The following SLC25A24 variants were observed in gnomAD, a reference collection of about 807,000 sequenced individuals.
The protein encoded by SLC25A24 is solute carrier family 25 member 24.
A neutral mutation model predicts 60.7 loss-of-function variants in SLC25A24; 49 were observed. The observed-to-expected ratio is 0.81, with a 90% CI of 0.64 to 1.02. SLC25A24 has a LOEUF of 1.02. Ranked by LOEUF, SLC25A24 falls within the 50% of genes least tolerant of loss-of-function variation. SLC25A24 has a pLI of 0.00. For synonymous variants in SLC25A24, 202 were observed against 200.6 expected (o/e 1.01, Z -0.06); for missense variants, 564 against 586.3 (o/e 0.96, Z 0.39).
intron 2 of SLC25A24, 29 bp downstream of exon 2, chr1:108,185,799 C>A (rs1220224332): frequency 1.3e-6 from 2 of 1,546,606 alleles, no homozygotes; most frequent in Non-Finnish European, 8.9e-7. Context: ...TTCTTCATAG[C>A]TGGTGATAAA....
At chr1:108,173,652 G>A (rs1371840941) in intron 3 of SLC25A24, among the ~76,000 whole-genome samples, 1 of 152,186 alleles carries the variant, frequency 6.6e-6, no homozygotes, top group African/African-American at 2.4e-5. Context: ...CAGTTAGGAA[G>A]GTTCAGAAGA....
intron 5 of SLC25A24, among the ~76,000 whole-genome samples, chr1:108,155,844 C>A (rs959702427): frequency 6.6e-6 from 1 of 152,090 alleles, no homozygotes; most frequent in Non-Finnish European, 1.5e-5. Flanking sequence ...TACCTTATGA[C>A]CACCTACAGA....
intron 1 of SLC25A24, among the ~76,000 whole-genome samples, chr1:108,194,490 G>A (rs828986): frequency 0.31 from 41,752 of 135,328 alleles, 11,021 homozygotes; most frequent in African/African-American, 0.36. Context: ...GACAGAAGTC[G>A]TGGCCAGGGT....
intron 3 of SLC25A24, among the ~76,000 whole-genome samples, chr1:108,174,865 C>T (rs1463360938): frequency 3.9e-5 from 6 of 151,918 alleles, no homozygotes; most frequent in Non-Finnish European, 7.4e-5. Context: ...GCCTGTAGCC[C>T]CTTCATTTTG....
chr1:108,183,628 G>A (rs542112214), intron 2 of SLC25A24, among the ~76,000 whole-genome samples: 2 of 152,240 alleles, frequency 1.3e-5, no homozygotes, highest in Non-Finnish European at 2.9e-5. Flanking sequence ...CTTATCAAAC[G>A]CATATATTTT....
In SLC25A24 at chr1:108,139,130, C is replaced by A. The variant is rs568557298; in HGVS notation, c.1177G>T (p.Ala393Ser). The change falls in exon 9 of 10, where the codon GCC becomes TCC. Residue 393 changes from alanine to serine, a missense_variant. By Grantham distance (99) the Ala-to-Ser change is moderately conservative. Coordinates refer to ENST00000565488, the MANE Select transcript of SLC25A24 (RefSeq NM_013386.5). ...PGVMVLLGCGALSSTCGQLAS... is the reference protein window; with the variant it reads ...PGVMVLLGCGSLSSTCGQLAS... ...AGCTGACCACAGGTGCTGGATAAGG[C>A]ACCGCATCCCAGCAACACCATGACT... 154 of 1,611,296 alleles carry A rather than the reference C, an allele frequency of 9.6e-5. 1 individual carries two copies. The South Asian group carries it at 1.4e-3, about 14-fold the overall frequency.
chr1:108,146,733 T>C (rs1679605025), intron 7 of SLC25A24, among the ~76,000 whole-genome samples: 1 of 152,236 alleles, frequency 6.6e-6, no homozygotes. Flanking sequence ...GATTTGCATA[T>C]GTTGAACAGC....
At chr1:108,173,287 G>A (rs1343742770) in intron 3 of SLC25A24, among the ~76,000 whole-genome samples, 1 of 152,110 alleles carries the variant, frequency 6.6e-6, no homozygotes, top group South Asian at 2.1e-4. Flanking sequence ...ATTATGGGGG[G>A]TGGTCAACCC....
At chr1:108,159,624 G>A (rs1680001238) in intron 4 of SLC25A24, among the ~76,000 whole-genome samples, 3 of 151,738 alleles carry the variant, frequency 2.0e-5, no homozygotes, top group Non-Finnish European at 4.4e-5. Flanking sequence ...CTTCCGCAGT[G>A]TTTGTGTCCC....
rs1224165677 is a variant in SLC25A24 at position 108,134,885 on chromosome 1, T to C, written c.*1768A>G. 1 of 152,102 alleles carries C rather than the reference T, an allele frequency of 6.6e-6. No homozygotes were observed. The highest frequency in any genetic ancestry group is 1.5e-5 in the Non-Finnish European group (1 of 68,012). 9.4% of individuals were successfully genotyped at this position (152,102 alleles called of 1,614,324 possible). On this transcript the variant is annotated 3_prime_UTR_variant, in exon 10 of 10. Coordinates refer to ENST00000565488, the MANE Select transcript of SLC25A24 (RefSeq NM_013386.5). ...AGTAAATATTCAGTACTACCAGAAA[T>C]ATACTATCTTCAACTCTCGGCTTTT...
intron 3 of SLC25A24, among the ~76,000 whole-genome samples, chr1:108,177,460 AAC>A (rs1403672757): frequency 2.0e-5 from 3 of 152,190 alleles, no homozygotes; most frequent in African/African-American, 7.2e-5. Flanking sequence ...CCAATCAAAA[AAC>A]ACAGTGTCTG....
rs1307385159 is a variant in SLC25A24 at position 108,139,150 on chromosome 1, A to G, written c.1157T>C (p.Met386Thr). 3 of 1,611,494 alleles carry G rather than the reference A, an allele frequency of 1.9e-6. No individual in the cohort carries two copies. Among genetic ancestry groups the G allele is most frequent in the Non-Finnish European group, 2.5e-6 (3 of 1,178,890 alleles). ...TAAGGCACCGCATCCCAGCAACACC[A>G]TGACTCCAGGGTTTACAGAATCTTT... ...FAKDSVNPGV[M>T]VLLGCGALSS... Residue 386 changes from methionine to threonine, a missense_variant, in exon 9 of 10, where the codon ATG becomes ACG. Coordinates refer to ENST00000565488, the MANE Select transcript of SLC25A24 (RefSeq NM_013386.5).
intron 4 of SLC25A24, among the ~76,000 whole-genome samples, chr1:108,159,611 G>A (rs1283011628): frequency 6.6e-6 from 1 of 151,540 alleles, no homozygotes; most frequent in African/African-American, 2.4e-5. Context: ...AGGACCCTGC[G>A]GCCTTCCGCA....
At chr1:108,157,203 T>C (rs1679925688) in intron 5 of SLC25A24, among the ~76,000 whole-genome samples, 1 of 152,178 alleles carries the variant, frequency 6.6e-6, no homozygotes, top group Admixed American at 6.5e-5. Flanking sequence ...TAGAGATATT[T>C]TTTGAATTAA....
intron 1 of SLC25A24, among the ~76,000 whole-genome samples, chr1:108,189,865 TAA>T (rs113505408): frequency 6.9e-6 from 1 of 145,612 alleles, no homozygotes. Context: ...AAAAAAAAAT[TAA>T]AAAATATATA....
intron 2 of SLC25A24, among the ~76,000 whole-genome samples, chr1:108,185,424 T>C (rs1003454654): frequency 6.6e-6 from 1 of 152,204 alleles, no homozygotes; most frequent in African/African-American, 2.4e-5. Flanking sequence ...CTGAAAGTTT[T>C]TTAAATTTTA....
intron 3 of SLC25A24, among the ~76,000 whole-genome samples, chr1:108,173,137 TG>T: frequency 6.6e-6 from 1 of 152,078 alleles, no homozygotes; most frequent in South Asian, 2.1e-4. Context: ...TAGGGCAAGG[TG>T]GGTGGATTGC....
chr1:108,171,928 C>T (rs1199989897), intron 3 of SLC25A24, among the ~76,000 whole-genome samples: 1 of 152,232 alleles, frequency 6.6e-6, no homozygotes. Flanking sequence ...TAACTCCAAA[C>T]TGTACTCCTA....
rs1048995680 is a variant in SLC25A24 at position 108,155,207 on chromosome 1, A to C, written c.670-72T>G. 9 of 1,300,156 alleles carry C rather than the reference A, an allele frequency of 6.9e-6. No homozygotes were observed. The African/African-American group carries it at 1.3e-4, about 19-fold the overall frequency. The allele number at this position is 1,300,156 out of a possible 1,614,324, so 80.5% of individuals were successfully genotyped here. On this transcript the variant is annotated intron_variant, in intron 5 of 9. Coordinates refer to ENST00000565488, the MANE Select transcript of SLC25A24 (RefSeq NM_013386.5). ...ATTACTTTTTCTAGAACAACCACAC[A>C]ATCTTTTTCAATACCCTTTCTAACT...
Sources: gnomAD v4.1 joint callset for allele counts (sites outside exome capture counted in the v4.1 genomes callset) on GRCh38, gnomAD v4.1.1 for gene constraint, MANE v1.5 for transcripts, NCBI Gene and HGNC (gene_info 2026-07-23, HGNC 2026-07-21) for gene names.